The following COL5A2 variants were observed in gnomAD, a reference collection of about 807,000 sequenced individuals.
The protein encoded by COL5A2 is collagen type V alpha 2 chain.
COL5A2 carries 23 observed loss-of-function variants against 208.2 expected under a neutral mutation model. The observed-to-expected ratio is 0.11, with a 90% CI of 0.08 to 0.16. The LOEUF (loss-of-function observed/expected upper bound fraction) is 0.16, where lower values mean the gene tolerates loss of function less well. COL5A2 is among the 10% of genes least tolerant of loss of function. The pLI is 1.00. For missense variants in COL5A2, 1,590 were observed against 1,956.4 expected, an observed-to-expected ratio of 0.81 and a Z score of 3.53; for synonymous variants, 625 against 628.5, an observed-to-expected ratio of 0.99 and a Z score of 0.08.
chr2:189,084,154 C>G (rs746077139), intron 11 of COL5A2, 117 bp from the exon 12 acceptor site: 2 of 765,916 alleles, frequency 2.6e-6, no homozygotes, highest in Non-Finnish European at 4.5e-6. Context: ...AGCTAATGTA[C>G]AATTCTCTAA....
At position 189,081,062 on chromosome 2, in the gene COL5A2, T is replaced by C. The variant is rs1020757655; in HGVS notation, c.853-19A>G. 11 of 1,609,804 alleles carry C rather than the reference T, an allele frequency of 6.8e-6. No homozygotes were observed. Among genetic ancestry groups the C allele is most frequent in the Non-Finnish European group, 9.4e-6 (11 of 1,176,310 alleles). ...GAGCTCCCTGGGAGGAAAACATAGA[T>C]AGGGCATTTTACAGTCATTAATAAG... On this transcript the variant is annotated intron_variant, in intron 12 of 53. Coordinates refer to ENST00000374866, the MANE Select transcript of COL5A2 (RefSeq NM_000393.5).
intron 1 of COL5A2, among the ~76,000 whole-genome samples, chr2:189,209,426 A>G (rs190664354): frequency 6.6e-6 from 1 of 152,338 alleles, no homozygotes; most frequent in African/African-American, 2.4e-5. Context: ...GTAGCACTTA[A>G]CATATACAGG....
chr2:189,237,289 C>T, the COL5A2 span, among the ~76,000 whole-genome samples: 1 of 151,214 alleles, frequency 6.6e-6, no homozygotes, highest in Admixed American at 6.6e-5. Context: ...GTTATGCCAC[C>T]CTTCCCATTT....
At chr2:189,412,828 T>C in the COL5A2 span, among the ~76,000 whole-genome samples, 17 of 152,114 alleles carry the variant, frequency 1.1e-4, no homozygotes, top group Non-Finnish European at 2.4e-4. Context: ...CATCAAAACA[T>C]AGAAAAATCA....
intron 1 of COL5A2, among the ~76,000 whole-genome samples, chr2:189,164,454 G>A (rs963505189): frequency 2.0e-5 from 3 of 151,618 alleles, no homozygotes; most frequent in African/African-American, 7.3e-5. Context: ...AGATGTTCTA[G>A]ATAGTTATAT....
chr2:189,151,550 G>C (rs1688142267), intron 1 of COL5A2, among the ~76,000 whole-genome samples: 1 of 152,086 alleles, frequency 6.6e-6, no homozygotes, highest in South Asian at 2.1e-4. Context: ...ATAAACACCT[G>C]ACATTTAGTT....
At chr2:189,414,753 C>CAAAAAA in the COL5A2 span, among the ~76,000 whole-genome samples, 2 of 70,306 alleles carry the variant, frequency 2.8e-5, no homozygotes, top group Non-Finnish European at 2.7e-5. Context: ...GACTCTGTCT[C>CAAAAAA]AAAAAAAAAA....
chr2:189,049,399 C>A lies in COL5A2; in HGVS notation c.3095G>T (p.Gly1032Val), dbSNP rs1161416280. Residue 1032 changes from glycine (G) to valine (V), a missense_variant, in exon 44 of 54, where the codon GGA (glycine) becomes GTA (valine). Gly to Val is a moderately radical substitution (Grantham distance 109, BLOSUM62 -3). Coordinates refer to ENST00000374866, the MANE Select transcript of COL5A2 (RefSeq NM_000393.5). ...TGATGDKGPP[G>V]PVGPPGSNGP... Reference sequence around the variant, plus strand: ...ATTGGAGCCTGGGGGCCCCACAGGTCCAGGTGGACCTTTATCTCCTGTTGC... The same window carrying A: ...ATTGGAGCCTGGGGGCCCCACAGGTACAGGTGGACCTTTATCTCCTGTTGC... The A allele has an allele frequency of 6.2e-7, 1 of 1,613,556 alleles. No homozygotes were observed. The highest frequency in any genetic ancestry group is 8.5e-7 in the Non-Finnish European group (1 of 1,179,860).
At chr2:189,070,549 A>C (rs1686251776) in intron 18 of COL5A2, among the ~76,000 whole-genome samples, 1 of 152,324 alleles carries the variant, frequency 6.6e-6, no homozygotes, top group African/African-American at 2.4e-5. Flanking sequence ...TCAGTAGCCA[A>C]CAACCAGTAC....
At chr2:189,197,561 T>A (rs565413542) in intron 1 of COL5A2, among the ~76,000 whole-genome samples, 2 of 152,312 alleles carry the variant, frequency 1.3e-5, no homozygotes, top group Admixed American at 6.5e-5. Flanking sequence ...AGAACTCGTA[T>A]GCTTTGTTGT....
chr2:189,223,004 A>G (rs989948192), intron 1 of COL5A2, among the ~76,000 whole-genome samples: 4 of 152,208 alleles, frequency 2.6e-5, no homozygotes, highest in Non-Finnish European at 5.9e-5. Flanking sequence ...CATGGATAAC[A>G]TTCAAGGCTA....
chr2:189,339,127 G>C, the COL5A2 span, among the ~76,000 whole-genome samples: 1 of 152,098 alleles, frequency 6.6e-6, no homozygotes, highest in Admixed American at 6.5e-5. Flanking sequence ...AAGGTGGGTG[G>C]ACCACCTGAA....
rs186490845 is a variant in COL5A2, at chr2:189,064,995, C to G, written c.1617+9G>C. 2 of 1,613,458 alleles carry G rather than the reference C, an allele frequency of 1.2e-6. No homozygotes were observed. Among genetic ancestry groups the G allele is most frequent in the South Asian group, 2.2e-5 (2 of 90,974 alleles). On this transcript the variant is annotated intron_variant, in intron 24 of 53. Coordinates refer to ENST00000374866, the MANE Select transcript of COL5A2 (RefSeq NM_000393.5). ...CACGTAAGTATCAACATTGACAGGGCAACCTCACCTTTGGCCCAGGTAAAC... is the reference window on the plus strand; with the variant it reads ...CACGTAAGTATCAACATTGACAGGGGAACCTCACCTTTGGCCCAGGTAAAC...
chr2:189,158,361 T>C (rs1688295769), intron 1 of COL5A2, among the ~76,000 whole-genome samples: 1 of 152,050 alleles, frequency 6.6e-6, no homozygotes, highest in Non-Finnish European at 1.5e-5. Context: ...GCACTAAAAG[T>C]ATTAACACAG....
At chr2:189,357,001 G>A in the COL5A2 span, among the ~76,000 whole-genome samples, 1 of 152,140 alleles carries the variant, frequency 6.6e-6, no homozygotes, top group African/African-American at 2.4e-5. Context: ...TCTGCTGCAG[G>A]TCTGCTGGAG....
the COL5A2 span, among the ~76,000 whole-genome samples, chr2:189,258,604 A>C: frequency 6.6e-6 from 1 of 152,218 alleles, no homozygotes; most frequent in Non-Finnish European, 1.5e-5. Context: ...TTTCATAACT[A>C]AGTCCTGTCC....
chr2:189,423,666 A>C, the COL5A2 span, among the ~76,000 whole-genome samples: 1 of 152,156 alleles, frequency 6.6e-6, no homozygotes, highest in Admixed American at 6.5e-5. Context: ...TTGAACTATA[A>C]AGAAAAGGAA....
the COL5A2 span, among the ~76,000 whole-genome samples, chr2:189,351,634 G>C: frequency 6.6e-6 from 1 of 152,062 alleles, no homozygotes; most frequent in African/African-American, 2.4e-5. Context: ...CTATGTGCAA[G>C]TATTGTTTAT....
At chr2:189,174,453 G>A (rs186237684) in intron 1 of COL5A2, among the ~76,000 whole-genome samples, 1 of 152,270 alleles carries the variant, frequency 6.6e-6, no homozygotes, top group Non-Finnish European at 1.5e-5. Context: ...AGCCTTATAA[G>A]TAAAATGAAT....
Sources: gnomAD v4.1 joint callset for allele counts (sites outside exome capture counted in the v4.1 genomes callset) on GRCh38, gnomAD v4.1.1 for gene constraint, MANE v1.5 for transcripts, NCBI Gene and HGNC (gene_info 2026-07-23, HGNC 2026-07-21) for gene names.